Variants in RETREG1 observed in about 807,000 individuals in gnomAD.
The protein encoded by RETREG1 is family with sequence similarity 134 member B.
Under a neutral mutation model 54.8 loss-of-function variants are expected in RETREG1, and 44 were observed. That is an observed-to-expected ratio of 0.80 (90% CI 0.63 to 1.03). The LOEUF is 1.03. Among genes scored for constraint, RETREG1 ranks in the 50% least tolerant of loss-of-function variants. The pLI is 0.00. For missense variants in RETREG1, 554 were observed against 605.1 expected (o/e 0.92, Z 0.89); for synonymous variants, 217 against 238.5 (o/e 0.91, Z 0.83).
chr5:16,551,746 A>G (rs1741547674), intron 3 of RETREG1, among the ~76,000 whole-genome samples: 1 of 152,172 alleles, frequency 6.6e-6, no homozygotes, highest in Non-Finnish European at 1.5e-5. Context: ...GCTGTAACAA[A>G]TTACAAATTT....
chr5:16,475,009 A>AC lies in RETREG1; in HGVS notation c.1225_1226insG (p.Met409SerfsTer42). On this transcript the variant is annotated frameshift_variant, in exon 9 of 9. Transcript: ENST00000306320. LOFTEE classifies it high-confidence loss of function. ...GATAACATCCCCAGCCAGGTTGCTC[A>AC]TCAGGTGAAAGGTTTGGTCACTGTT... 1 of 1,613,684 alleles carries AC rather than the reference A, an allele frequency of 6.2e-7. No homozygotes were observed. The highest frequency in any genetic ancestry group is 8.5e-7 in the Non-Finnish European group (1 of 1,179,732).
At chr5:16,536,406 G>A (rs946279943) in intron 3 of RETREG1, among the ~76,000 whole-genome samples, 6 of 152,076 alleles carry the variant, frequency 3.9e-5, no homozygotes, top group Non-Finnish European at 7.4e-5. Context: ...GTGAATATGA[G>A]GAATCTGATC....
At chr5:16,610,616 T>C (rs1743314590) in intron 1 of RETREG1, among the ~76,000 whole-genome samples, 1 of 152,184 alleles carries the variant, frequency 6.6e-6, no homozygotes, top group South Asian at 2.1e-4. Flanking sequence ...CAGACACTTC[T>C]CAAAAGAAGA....
At chr5:16,511,357 A>T (rs1316968309) in intron 3 of RETREG1, among the ~76,000 whole-genome samples, 3 of 152,168 alleles carry the variant, frequency 2.0e-5, no homozygotes, top group African/African-American at 7.2e-5. Flanking sequence ...AGTTGATTCT[A>T]CCCAACCATA....
At chr5:16,560,150 C>T (rs1380950465) in intron 3 of RETREG1, among the ~76,000 whole-genome samples, 2 of 152,222 alleles carry the variant, frequency 1.3e-5, no homozygotes, top group African/African-American at 4.8e-5. Context: ...CCATTACATT[C>T]AGTGTGACAT....
At chr5:16,519,862 A>G (rs1310520598) in intron 3 of RETREG1, among the ~76,000 whole-genome samples, 2 of 152,058 alleles carry the variant, frequency 1.3e-5, no homozygotes, top group African/African-American at 2.4e-5. Flanking sequence ...CAGAACTTCC[A>G]TTTTGTTCAT....
intron 3 of RETREG1, among the ~76,000 whole-genome samples, chr5:16,520,316 GGTT>G (rs1740490521): frequency 1.4e-5 from 2 of 144,316 alleles, no homozygotes; most frequent in Non-Finnish European, 1.5e-5. Flanking sequence ...GGGGTTTTGT[GGTT>G]TTTTTTTTGT....
chr5:16,601,525 T>C (rs1447295313), intron 1 of RETREG1, among the ~76,000 whole-genome samples: 1 of 152,022 alleles, frequency 6.6e-6, no homozygotes, highest in Non-Finnish European at 1.5e-5. Flanking sequence ...ACCTCCCAAG[T>C]AGCTGGGATT....
chr5:16,600,490 C>T (rs1005525775), intron 1 of RETREG1, among the ~76,000 whole-genome samples: 7 of 152,218 alleles, frequency 4.6e-5, no homozygotes, highest in African/African-American at 1.7e-4. Flanking sequence ...ACGCTGAGAA[C>T]AGGGAGCTGA....
intron 3 of RETREG1, among the ~76,000 whole-genome samples, chr5:16,500,809 G>T (rs1739678467): frequency 6.6e-6 from 1 of 152,090 alleles, no homozygotes; most frequent in Non-Finnish European, 1.5e-5. Context: ...AAAACAAGCT[G>T]AACAAACCAC....
At chr5:16,522,163 T>G (rs1740553761) in intron 3 of RETREG1, among the ~76,000 whole-genome samples, 1 of 151,840 alleles carries the variant, frequency 6.6e-6, no homozygotes, top group Non-Finnish European at 1.5e-5. Context: ...AACCAGCTCC[T>G]GGAGAAGCAT....
At chr5:16,495,850 T>C (rs1177739328) in intron 3 of RETREG1, among the ~76,000 whole-genome samples, 2 of 151,760 alleles carry the variant, frequency 1.3e-5, no homozygotes, top group East Asian at 1.9e-4. Flanking sequence ...AGGGTATAAG[T>C]TGAGTGCTGA....
chr5:16,583,715 A>G (rs1229362301), intron 1 of RETREG1, among the ~76,000 whole-genome samples: 2 of 152,166 alleles, frequency 1.3e-5, no homozygotes, highest in African/African-American at 2.4e-5. Context: ...AGTTCTTTCC[A>G]TGTGTAAAAA....
intron 3 of RETREG1, among the ~76,000 whole-genome samples, chr5:16,483,839 G>C (rs1230513829): frequency 6.6e-6 from 1 of 152,046 alleles, no homozygotes; most frequent in African/African-American, 2.4e-5. Context: ...GTGGGAAGGA[G>C]CTTAAATGTG....
At chr5:16,528,702 C>T (rs16868748) in intron 3 of RETREG1, among the ~76,000 whole-genome samples, 1 of 152,176 alleles carries the variant, frequency 6.6e-6, no homozygotes, top group Non-Finnish European at 1.5e-5. Context: ...CACTATGCCT[C>T]CTTCAAAGCA....
intron 3 of RETREG1, among the ~76,000 whole-genome samples, chr5:16,511,321 G>A (rs529872258): frequency 5.6e-4 from 86 of 152,236 alleles, no homozygotes; most frequent in Non-Finnish European, 8.8e-4. Context: ...GTGGGCAGCC[G>A]GTACTCTGCA....
intron 1 of RETREG1, among the ~76,000 whole-genome samples, chr5:16,588,467 T>C (rs1402718897): frequency 2.0e-5 from 3 of 152,178 alleles, no homozygotes; most frequent in Non-Finnish European, 4.4e-5. Context: ...GCATTTGAAT[T>C]TGGGGGCAGC....
At chr5:16,577,071 G>A (rs898370533) in intron 1 of RETREG1, among the ~76,000 whole-genome samples, 6 of 151,236 alleles carry the variant, frequency 4.0e-5, no homozygotes, top group Admixed American at 3.9e-4. Context: ...ACTGAAACAG[G>A]ATCTGAGAAA....
chr5:16,610,051 G>A (rs1743296492), intron 1 of RETREG1, among the ~76,000 whole-genome samples: 1 of 152,206 alleles, frequency 6.6e-6, no homozygotes. Context: ...TGACACTGGT[G>A]ATGTGGATGC....
Sources: allele counts gnomAD v4.1 joint callset (sites outside exome capture counted in the v4.1 genomes callset), GRCh38; gene constraint gnomAD v4.1.1; transcripts MANE v1.5; gene names NCBI Gene and HGNC (gene_info 2026-07-23, HGNC 2026-07-21).